Variants in RARA observed in about 807,000 individuals in gnomAD.
RARA encodes the protein PML-DDX5-RARA fusion.
Under a neutral mutation model 42.8 loss-of-function variants are expected in RARA, and 5 were observed. The observed-to-expected ratio is 0.12, with a 90% CI of 0.06 to 0.25. The LOEUF (loss-of-function observed/expected upper bound fraction) is 0.25, where lower values mean the gene tolerates loss of function less well. Ranked by LOEUF, RARA falls within the 10% of genes least tolerant of loss-of-function variation. RARA has a pLI of 1.00. For synonymous variants in RARA, 256 were observed against 259.5 expected, an observed-to-expected ratio of 0.99 and a Z score of 0.13; for missense variants, 402 against 628.7, an observed-to-expected ratio of 0.64 and a Z score of 3.86.
At chr17:40,348,255 A>C in intron 2 of RARA, 61 bp from the exon 3 acceptor site, 1 of 1,477,148 alleles carries the variant, frequency 6.8e-7, no homozygotes, top group South Asian at 1.4e-5. Context: ...GGCAGGGTGG[A>C]GCTTGGTACT....
At chr17:40,321,425 AGAGGAG>A (rs763508454) in intron 1 of RARA, among the ~76,000 whole-genome samples, 11 of 151,366 alleles carry the variant, frequency 7.3e-5, no homozygotes, top group Admixed American at 3.9e-4. Flanking sequence ...TGGAATTTGG[AGAGGAG>A]GAGGAGGAGG....
chr17:40,316,524 G>A (rs1451913093), intron 1 of RARA, among the ~76,000 whole-genome samples: 2 of 152,230 alleles, frequency 1.3e-5, no homozygotes, highest in Non-Finnish European at 2.9e-5. Context: ...ATGCATGCTT[G>A]CATTCTTGTG....
At chr17:40,341,563 T>C in intron 2 of RARA, 1 of 1,376,676 alleles carries the variant, frequency 7.3e-7, no homozygotes, top group Non-Finnish European at 9.4e-7. Context: ...GGCAGGGGGC[T>C]GGCGGGCGAG....
intron 6 of RARA, among the ~76,000 whole-genome samples, chr17:40,353,155 G>C (rs1479343480): frequency 1.3e-5 from 2 of 152,162 alleles, no homozygotes; most frequent in Non-Finnish European, 2.9e-5. Flanking sequence ...GTTTGTAGAG[G>C]GGGAGGTGAG....
rs539890007 is a variant in RARA at position 40,330,991 on chromosome 17, C to T, written c.-228C>T. 30 of 494,654 alleles carry T rather than the reference C, an allele frequency of 6.1e-5. No individual in the cohort carries two copies. The South Asian group carries it at 8.1e-4, about 13-fold the overall frequency. 30.6% of individuals were successfully genotyped at this position (494,654 alleles called of 1,614,324 possible). Reference sequence around the variant, plus strand: ...TCACAGAACTGCTTGACCAAAGGACCGGCTCTTGAGACATCCCCCAACCCA... The same window carrying T: ...TCACAGAACTGCTTGACCAAAGGACTGGCTCTTGAGACATCCCCCAACCCA... On this transcript the variant is annotated 5_prime_UTR_variant, in exon 2 of 9. Transcript: ENST00000254066.
chr17:40,355,190 A>C lies in RARA; in HGVS notation c.1013-73A>C, dbSNP rs1242136664. 11 of 1,490,038 alleles carry C rather than the reference A, an allele frequency of 7.4e-6. No individual in the cohort carries two copies. Among genetic ancestry groups the C allele is most frequent in the Admixed American group, 2.2e-5 (1 of 44,682 alleles). 92.3% of individuals were successfully genotyped at this position (1,490,038 alleles called of 1,614,324 possible). A position where few individuals can be genotyped will look rare whatever the true frequency, so the allele number is the denominator to read the frequency against. On this transcript the variant is annotated intron_variant, in intron 7 of 8. Transcript: ENST00000254066. The surrounding 1 kb of genome is among the most constrained non-coding windows in gnomAD (Gnocchi z 4.1). Reference sequence around the variant, plus strand: ...GCCCTCCTCCATGGCCTGGGCAGGCACGCCCCCCGGTGGCCGAGGCTGGGG... The same window carrying C: ...GCCCTCCTCCATGGCCTGGGCAGGCCCGCCCCCCGGTGGCCGAGGCTGGGG...
chr17:40,330,471 C>T (rs541988793), intron 1 of RARA, among the ~76,000 whole-genome samples: 4 of 152,250 alleles, frequency 2.6e-5, no homozygotes, highest in Non-Finnish European at 5.9e-5. Context: ...TTTTCCTCCC[C>T]CTCCCTCTTC....
In RARA at chr17:40,351,423, G is replaced by T. The variant is rs1054049501; in HGVS notation, c.470-487G>T. 6.5e-6 allele frequency: 3 copies of T among 461,250 alleles called. No individual in the cohort carries two copies. The highest frequency in any genetic ancestry group is 2.0e-5 in the African/African-American group (1 of 49,626). 28.6% of individuals were successfully genotyped at this position (461,250 alleles called of 1,614,324 possible). ...GCTAATGGGCCAAGAGATTCTCCCCGCCAGGTCCCCCACTCTCAGGCTGGG... is the reference window on the plus strand; with the variant it reads ...GCTAATGGGCCAAGAGATTCTCCCCTCCAGGTCCCCCACTCTCAGGCTGGG... On this transcript the variant is annotated intron_variant, in intron 4 of 8. Coordinates refer to ENST00000254066, the MANE Select transcript of RARA (RefSeq NM_000964.4). The surrounding 1 kb of genome is among the most constrained non-coding windows in gnomAD (Gnocchi z 4.1).
Position 40,322,510 on chromosome 17 carries a change from G to A in RARA, c.-362-8347G>A, listed in dbSNP as rs1046771138. On this transcript the variant is annotated intron_variant, in intron 1 of 8. Transcript: ENST00000254066. ...CAGGCAGTGTCACCGTGACCCACTC[G>A]CTGTGTGTCTGTGTGTACACACCTA... Among the ~76,000 whole-genome samples, 10 of 152,134 alleles carry A rather than the reference G, an allele frequency of 6.6e-5. No individual in the cohort carries two copies. In the East Asian group the frequency reaches 1.7e-3, roughly 26 times the overall value.
In RARA at chr17:40,345,149, A is replaced by G. The variant is rs912515837; in HGVS notation, c.179-3167A>G. The stretch of plus-strand genomic sequence containing the variant: ...CATCTGTCTCCCACCAATCTCCGCC[A>G]CTCACACCTCCGCCCGCTCCCAGAC... On this transcript the variant is annotated intron_variant, in intron 2 of 8. Transcript: ENST00000254066. The surrounding 1 kb of genome is among the most constrained non-coding windows in gnomAD (Gnocchi z 4.8). 4 of 153,690 alleles carry G rather than the reference A, an allele frequency of 2.6e-5. No individual in the cohort carries two copies. Among genetic ancestry groups the G allele is most frequent in the African/African-American group, 9.7e-5 (4 of 41,414 alleles). 9.5% of individuals were successfully genotyped at this position (153,690 alleles called of 1,614,324 possible).
At chr17:40,334,484 A>G (rs1374707555) in intron 2 of RARA, among the ~76,000 whole-genome samples, 1 of 152,198 alleles carries the variant, frequency 6.6e-6, no homozygotes, top group Non-Finnish European at 1.5e-5. Flanking sequence ...CCTTCTGCAG[A>G]GCCAGGGCTG....
intron 1 of RARA, among the ~76,000 whole-genome samples, chr17:40,318,674 T>C (rs982536558): frequency 1.3e-5 from 2 of 152,238 alleles, no homozygotes; most frequent in African/African-American, 2.4e-5. Flanking sequence ...CCTTGAGGCG[T>C]CTGGGGCCGT....
chr17:40,351,623 C>T lies in RARA; in HGVS notation c.470-287C>T, dbSNP rs926539584. 10 of 502,812 alleles carry T rather than the reference C, an allele frequency of 2.0e-5. No homozygotes were observed. The highest frequency in any genetic ancestry group is 1.2e-4 in the African/African-American group (6 of 51,518). 31.1% of individuals were successfully genotyped at this position (502,812 alleles called of 1,614,324 possible). The stretch of plus-strand genomic sequence containing the variant: ...CGCCTGGAGTGTGAGCTGGAGTAGA[C>T]GCGTGGGGGATAGCATGCGGCTGGC... On this transcript the variant is annotated intron_variant, in intron 4 of 8. Transcript: ENST00000254066. The surrounding 1 kb of genome is among the most constrained non-coding windows in gnomAD (Gnocchi z 4.1).
rs993511824 is a variant in RARA at position 40,355,699 on chromosome 17, G to A, written c.1171+278G>A. Reference sequence around the variant, plus strand: ...TAGCTACAGTTTCCCTTCCGAGGGCGGGGATAACATTCGTGTTTACAGAGG... The same window carrying A: ...TAGCTACAGTTTCCCTTCCGAGGGCAGGGATAACATTCGTGTTTACAGAGG... On this transcript the variant is annotated intron_variant, in intron 8 of 8. Transcript: ENST00000254066. This position sits in a 1 kb window ranked among gnomAD's most constrained non-coding sequence, Gnocchi z 4.1. 2.6e-5 allele frequency among the ~76,000 whole-genome samples: 4 copies of A among 152,330 alleles called. No individual in the cohort carries two copies. The highest frequency in any genetic ancestry group is 4.1e-4 in the South Asian group (2 of 4,830).
chr17:40,316,869 G>A (rs1354593379), intron 1 of RARA, among the ~76,000 whole-genome samples: 1 of 152,128 alleles, frequency 6.6e-6, no homozygotes, highest in East Asian at 1.9e-4. Context: ...GACGGGAGCG[G>A]GAGACAGCTC....
intron 2 of RARA, chr17:40,342,561 G>A (rs1234814225): frequency 1.8e-5 from 24 of 1,361,184 alleles, no homozygotes; most frequent in Non-Finnish European, 2.3e-5. Flanking sequence ...TCAGGGCAGG[G>A]GGCGCCCCCT....
At chr17:40,312,753 GA>G (rs943320588) in intron 1 of RARA, among the ~76,000 whole-genome samples, 1 of 152,206 alleles carries the variant, frequency 6.6e-6, no homozygotes, top group Admixed American at 6.5e-5. Flanking sequence ...CTCAGAGCTG[GA>G]AGGGGTTTTA....
intron 2 of RARA, among the ~76,000 whole-genome samples, chr17:40,343,631 G>C (rs1032900544): frequency 6.6e-6 from 1 of 152,180 alleles, no homozygotes; most frequent in African/African-American, 2.4e-5. Context: ...GAATGAGTTT[G>C]TTTTTGTGGG....
At chr17:40,348,690 C>A (rs2034347163) in intron 3 of RARA, 8 of 454,636 alleles carry the variant, frequency 1.8e-5, no homozygotes, top group Middle Eastern at 5.7e-4. Context: ...TGCCTCAGCT[C>A]CTTTCCCTGT....
Sources: gnomAD v4.1 joint callset for allele counts (sites outside exome capture counted in the v4.1 genomes callset) on GRCh38, gnomAD v4.1.1 for gene constraint, Gnocchi (gnomAD v3.1) non-coding constraint, MANE v1.5 for transcripts, NCBI Gene and HGNC (gene_info 2026-07-23, HGNC 2026-07-21) for gene names.